The following NFIC variants were observed in gnomAD, a reference collection of about 807,000 sequenced individuals.
NFIC encodes the protein nuclear factor I C.
In NFIC, 12 loss-of-function variants were observed where a neutral mutation model predicts 54.4. The ratio of observed to expected loss-of-function variants is 0.22; its 90% confidence interval spans 0.14 to 0.36. NFIC has a LOEUF of 0.36. NFIC is among the 10% of genes least tolerant of loss of function. The pLI is 1.00. For synonymous variants in NFIC, 322 were observed against 319.2 expected (o/e 1.01, Z -0.09); for missense variants, 575 against 718.2 (o/e 0.80, Z 2.28).
rs2082737194 is a variant in NFIC at position 3,467,787 on chromosome 19, A to ATATATATATATATC, written c.*5020_*5021insTATATATATATCTA. 7.2e-6 allele frequency: 1 copy of ATATATATATATATC among 138,880 alleles called. No homozygotes were observed. The highest frequency in any genetic ancestry group is 7.2e-5 in the Admixed American group (1 of 13,946). 8.6% of individuals were successfully genotyped at this position (138,880 alleles called of 1,614,324 possible). On this transcript the variant is annotated 3_prime_UTR_variant, in exon 11 of 11. Coordinates refer to ENST00000443272, the MANE Select transcript of NFIC (RefSeq NM_001245002.2). Reference sequence around the variant, plus strand: ...TATATATATATATATATATATATATATAATTTTGGAATTTGTTTCTCATAA... The same window carrying ATATATATATATATC: ...TATATATATATATATATATATATATATATATATATATATCTAATTTTGGAATTTGTTTCTCATAA...
rs186526705 is a variant in NFIC at position 3,430,942 on chromosome 19, A to G, written c.635-2576A>G. 6.6e-3 allele frequency among the ~76,000 whole-genome samples: 1,005 copies of G among 151,252 alleles called. 14 individuals are homozygous for G. The highest frequency in any genetic ancestry group is 0.01 in the Non-Finnish European group (700 of 67,764). ...GTGAGACTCCGTCTCAAAAAAAAAA[A>G]AAAAGAAAAGAAAAAGAAAGAAAGA... On this transcript the variant is annotated intron_variant, in intron 3 of 10. Coordinates refer to ENST00000443272, the MANE Select transcript of NFIC (RefSeq NM_001245002.2).
At chr19:3,397,283 A>T (rs1394141616) in intron 2 of NFIC, among the ~76,000 whole-genome samples, 1 of 152,184 alleles carries the variant, frequency 6.6e-6, no homozygotes. Flanking sequence ...AGCCTGGGAG[A>T]TCCCAGGACC....
At chr19:3,391,382 G>C (rs1278753787) in intron 2 of NFIC, among the ~76,000 whole-genome samples, 1 of 152,166 alleles carries the variant, frequency 6.6e-6, no homozygotes, top group Non-Finnish European at 1.5e-5. Context: ...CGGCTGTGGT[G>C]GCTTACGCCT....
intron 2 of NFIC, among the ~76,000 whole-genome samples, chr19:3,414,382 G>A (rs1202840131): frequency 1.3e-5 from 2 of 151,994 alleles, no homozygotes; most frequent in African/African-American, 4.8e-5. Flanking sequence ...GGATCACGAG[G>A]TCAAGAGTTC....
chr19:3,422,445 C>A (rs1201380084), intron 2 of NFIC, among the ~76,000 whole-genome samples: 3 of 149,594 alleles, frequency 2.0e-5, no homozygotes, highest in Non-Finnish European at 4.4e-5. Flanking sequence ...AGGCCGGGCG[C>A]GGTGGCTCAC....
chr19:3,413,109 C>T (rs1402979292), intron 2 of NFIC, among the ~76,000 whole-genome samples: 4 of 152,158 alleles, frequency 2.6e-5, no homozygotes, highest in South Asian at 2.1e-4. Flanking sequence ...CCACCACACC[C>T]GGCTAATTTT....
chr19:3,456,691 C>A, intron 10 of NFIC, 56 bp downstream of exon 10: 3 of 1,358,476 alleles, frequency 2.2e-6, no homozygotes, highest in South Asian at 1.3e-5. Context: ...AGGGGCCGGC[C>A]CGGGGGGCTC....
At chr19:3,422,655 T>C (rs1273686898) in intron 2 of NFIC, among the ~76,000 whole-genome samples, 1 of 151,272 alleles carries the variant, frequency 6.6e-6, no homozygotes, top group African/African-American at 2.4e-5. Context: ...AGACGGAGCT[T>C]GCAGTGAGCC....
chr19:3,397,265 T>C (rs909090949), intron 2 of NFIC, among the ~76,000 whole-genome samples: 14 of 152,276 alleles, frequency 9.2e-5, no homozygotes, highest in African/African-American at 3.1e-4. Context: ...AGTCAGGATT[T>C]AAATCCAAGC....
Position 3,453,971 on chromosome 19 carries a change from T to G in NFIC, c.1423+55T>G. The G allele has an allele frequency of 2.1e-6, 3 of 1,447,508 alleles. No individual in the cohort carries two copies. Among genetic ancestry groups the G allele is most frequent in the Non-Finnish European group, 2.7e-6 (3 of 1,106,914 alleles). The allele number at this position is 1,447,508 out of a possible 1,614,324, so 89.7% of individuals were successfully genotyped here. The stretch of plus-strand genomic sequence containing the variant: ...GGGCGGATGTCCGCAGGGGGGCCTG[T>G]CCCCTCCCCAGCCCCACTGCCAGGT... On this transcript the variant is annotated intron_variant, in intron 9 of 10. Transcript: ENST00000443272. The surrounding 1 kb of genome is among the most constrained non-coding windows in gnomAD (Gnocchi z 6.7).
chr19:3,462,897 C>A lies in NFIC; in HGVS notation c.*128C>A. On this transcript the variant is annotated 3_prime_UTR_variant, in exon 11 of 11. Transcript: ENST00000443272. ...AAGAACACCCCTGCCGACTCCCAGC[C>A]CGGCCAAAAAGACAAAACACATAGA... The A allele has an allele frequency of 6.4e-7, 1 of 1,559,422 alleles. No homozygotes were observed. The highest frequency in any genetic ancestry group is 2.3e-5 in the East Asian group (1 of 43,638).
chr19:3,414,334 C>T (rs541785213), intron 2 of NFIC, among the ~76,000 whole-genome samples: 2 of 152,206 alleles, frequency 1.3e-5, no homozygotes, highest in East Asian at 3.9e-4. Flanking sequence ...CGGTGGCTCA[C>T]GATTGTAATC....
At chr19:3,400,703 A>G (rs1371649958) in intron 2 of NFIC, among the ~76,000 whole-genome samples, 1 of 151,760 alleles carries the variant, frequency 6.6e-6, no homozygotes, top group African/African-American at 2.4e-5. Flanking sequence ...TTAGCCAGGC[A>G]TAGCGGTATG....
chr19:3,456,422 G>T, intron 9 of NFIC, 128 bp from the exon 10 acceptor site: 1 of 837,882 alleles, frequency 1.2e-6, no homozygotes, highest in Non-Finnish European at 1.9e-6. Flanking sequence ...AGGCTCGGAG[G>T]CCCCAGGCAC....
intron 6 of NFIC, among the ~76,000 whole-genome samples, chr19:3,442,031 C>T (rs1290515054): frequency 6.6e-6 from 1 of 152,236 alleles, no homozygotes; most frequent in Non-Finnish European, 1.5e-5. Context: ...TCAGCCAGTC[C>T]CCAACCCTGA....
intron 1 of NFIC, among the ~76,000 whole-genome samples, chr19:3,378,489 C>G: frequency 6.6e-6 from 1 of 152,188 alleles, no homozygotes. Context: ...AGCTGGGGGC[C>G]TCCCACTGCC....
intron 1 of NFIC, among the ~76,000 whole-genome samples, chr19:3,374,040 T>C (rs1464846060): frequency 6.6e-6 from 1 of 152,220 alleles, no homozygotes. Context: ...ACTAAGGCTT[T>C]GAAGGATGCG....
chr19:3,440,534 G>A lies in NFIC; in HGVS notation c.958+5327G>A, dbSNP rs1176176379. On this transcript the variant is annotated intron_variant, in intron 6 of 10. Coordinates refer to ENST00000443272, the MANE Select transcript of NFIC (RefSeq NM_001245002.2). The stretch of plus-strand genomic sequence containing the variant: ...CAAGCTCTGCCTCCCAGGTTCAAGC[G>A]ATTCTCGTGCCTCAGCCTCCCGAAT... 5.3e-5 allele frequency among the ~76,000 whole-genome samples: 8 copies of A among 151,762 alleles called. No individual in the cohort carries two copies. The East Asian group carries it at 1.6e-3, about 30-fold the overall frequency.
intron 3 of NFIC, among the ~76,000 whole-genome samples, chr19:3,430,551 A>C (rs2082103481): frequency 6.6e-6 from 1 of 151,696 alleles, no homozygotes; most frequent in Admixed American, 6.6e-5. Flanking sequence ...ATCCCCCCTA[A>C]AAGAAACCCC....
Sources: gnomAD v4.1 joint callset for allele counts (sites outside exome capture counted in the v4.1 genomes callset) on GRCh38, gnomAD v4.1.1 for gene constraint, Gnocchi (gnomAD v3.1) non-coding constraint, MANE v1.5 for transcripts, NCBI Gene and HGNC (gene_info 2026-07-23, HGNC 2026-07-21) for gene names.